Variants in ST3GAL2 observed in about 807,000 individuals in gnomAD.
ST3GAL2 encodes CMP-N-acetylneuraminate-beta-galactosamide-alpha-2,3-sialyltransferase 2.
ST3GAL2 carries 16 observed loss-of-function variants against 37.5 expected under a neutral mutation model. That is an observed-to-expected ratio of 0.43 (90% CI 0.29 to 0.65). The LOEUF is 0.65. Among genes scored for constraint, ST3GAL2 ranks in the 30% least tolerant of loss-of-function variants. ST3GAL2 has a pLI of 0.17. For synonymous variants in ST3GAL2, 238 were observed against 202.9 expected (o/e 1.17, Z -1.47); for missense variants, 383 against 487.8 (o/e 0.79, Z 2.02).
chr16:70,426,725 G>A (rs1302131402), intron 1 of ST3GAL2, among the ~76,000 whole-genome samples: 1 of 151,950 alleles, frequency 6.6e-6, no homozygotes, highest in East Asian at 1.9e-4. Context: ...GGTCAGGCTG[G>A]TCTTGAACTC....
chr16:70,422,655 AAT>A (rs1245748696), intron 1 of ST3GAL2, among the ~76,000 whole-genome samples: 2 of 152,118 alleles, frequency 1.3e-5, no homozygotes, highest in African/African-American at 4.8e-5. Flanking sequence ...GCATTTTGCT[AAT>A]ACACACATAA....
At chr16:70,431,892 A>G (rs1294672831) in intron 1 of ST3GAL2, among the ~76,000 whole-genome samples, 1 of 151,956 alleles carries the variant, frequency 6.6e-6, no homozygotes, top group Non-Finnish European at 1.5e-5. Context: ...TGAACCCAGG[A>G]GGCAGAGCTT....
Position 70,398,238 on chromosome 16 carries a change from G to C in ST3GAL2, c.293C>G (p.Thr98Ser). ...CGGTGGAAGATCCATGTTCTCTCGG[G>C]TCCAGACGGGGGAAATGTTACCGTC... ...HFDGNISPVW[T>S]RENMDLPPDV... is the part of the protein sequence containing the mutation. The change falls in exon 2 of 7, where the codon ACC becomes AGC. Residue 98 changes from threonine to serine, a missense_variant. By Grantham distance (58) the Thr-to-Ser change is moderately conservative. This residue lies in a region of ST3GAL2 where 223 missense variants were observed against 239.1 expected (regional missense o/e 0.93). Coordinates refer to ENST00000342907, the MANE Select transcript of ST3GAL2 (RefSeq NM_006927.4). The C allele has an allele frequency of 6.2e-7, 1 of 1,613,434 alleles. No homozygotes were observed. The highest frequency in any genetic ancestry group is 8.5e-7 in the Non-Finnish European group (1 of 1,180,042).
At chr16:70,426,181 C>A in intron 1 of ST3GAL2, among the ~76,000 whole-genome samples, 1 of 99,510 alleles carries the variant, frequency 1.0e-5, no homozygotes, top group Non-Finnish European at 1.9e-5. Context: ...GGGCCAAAGC[C>A]TTTTTTTTTT....
chr16:70,437,891 G>C (rs1230163646), intron 1 of ST3GAL2, among the ~76,000 whole-genome samples: 1 of 152,142 alleles, frequency 6.6e-6, no homozygotes, highest in African/African-American at 2.4e-5. Context: ...GCGGGAGTGT[G>C]TTACTGGCCA....
chr16:70,418,759 C>A (rs1567675194), intron 1 of ST3GAL2, among the ~76,000 whole-genome samples: 1 of 152,146 alleles, frequency 6.6e-6, no homozygotes, highest in Non-Finnish European at 1.5e-5. Flanking sequence ...TAGAAGAGAA[C>A]CTCTGTGCAC....
At chr16:70,393,658 T>A (rs1272129202) in intron 3 of ST3GAL2, 1 of 152,180 alleles carries the variant, frequency 6.6e-6, no homozygotes, top group Admixed American at 6.6e-5. Flanking sequence ...CCAGCTCCCA[T>A]CCCATCTCCC....
At chr16:70,435,750 C>G (rs939097514) in intron 1 of ST3GAL2, among the ~76,000 whole-genome samples, 1 of 148,984 alleles carries the variant, frequency 6.7e-6, no homozygotes, top group Non-Finnish European at 1.5e-5. Flanking sequence ...GCCGAGATCT[C>G]GCCATTGCAC....
At chr16:70,414,761 C>T (rs1343892819) in intron 1 of ST3GAL2, among the ~76,000 whole-genome samples, 1 of 152,344 alleles carries the variant, frequency 6.6e-6, no homozygotes, top group East Asian at 1.9e-4. Context: ...CAACCTCCGC[C>T]TCCTGGGTTC....
rs866564644 is a variant in ST3GAL2, at chr16:70,413,182, G to A, written c.-1003-13649C>T. 5.9e-5 allele frequency among the ~76,000 whole-genome samples: 9 copies of A among 151,980 alleles called. No individual in the cohort carries two copies. The South Asian group carries it at 1.2e-3, about 21-fold the overall frequency. Reference sequence around the variant, plus strand: ...GGAGACTCACTTGAACCTGGAAGGCGGAGGTTGCAGTGAGCTAAGATCGGG... The same window carrying A: ...GGAGACTCACTTGAACCTGGAAGGCAGAGGTTGCAGTGAGCTAAGATCGGG... On this transcript the variant is annotated intron_variant, in intron 1 of 6. Transcript: ENST00000342907.
At position 70,388,060 on chromosome 16, in the gene ST3GAL2, C is replaced by A. The variant is rs544649967; in HGVS notation, c.713+307G>T. Reference sequence around the variant, plus strand: ...CCGGGAGGCGGATGTTGCAGTGAGCCAAGATCGCGCCATTGCACCCCGGCC... The same window carrying A: ...CCGGGAGGCGGATGTTGCAGTGAGCAAAGATCGCGCCATTGCACCCCGGCC... On this transcript the variant is annotated intron_variant, in intron 4 of 6. Transcript: ENST00000342907. Among the ~76,000 whole-genome samples the A allele has an allele frequency of 1.8e-3, 274 of 149,646 alleles. 2 individuals carry two copies. The highest frequency in any genetic ancestry group is 6.2e-3 in the African/African-American group (253 of 40,596).
Position 70,376,095 on chromosome 16 carries a change from G to A in ST3GAL2, c.*5594C>T, listed in dbSNP as rs751426287. 1 of 152,232 alleles carries A rather than the reference G, an allele frequency of 6.6e-6. No homozygotes were observed. Among genetic ancestry groups the A allele is most frequent in the African/African-American group, 2.4e-5 (1 of 41,452 alleles). The allele number at this position is 152,232 out of a possible 1,614,324, so 9.4% of individuals were successfully genotyped here. On this transcript the variant is annotated 3_prime_UTR_variant, in exon 7 of 7. Coordinates refer to ENST00000342907, the MANE Select transcript of ST3GAL2 (RefSeq NM_006927.4). Reference sequence around the variant, plus strand: ...ACAGCGTTTCACAGGAAGCACCGTGGAGACGCAGCCCAGGGGACTGCCATG... The same window carrying A: ...ACAGCGTTTCACAGGAAGCACCGTGAAGACGCAGCCCAGGGGACTGCCATG...
At chr16:70,392,363 C>T (rs1261862236) in intron 3 of ST3GAL2, among the ~76,000 whole-genome samples, 1 of 152,204 alleles carries the variant, frequency 6.6e-6, no homozygotes, top group Non-Finnish European at 1.5e-5. Flanking sequence ...ATCTCTGGCA[C>T]TCGGGAACAC....
intron 3 of ST3GAL2, among the ~76,000 whole-genome samples, chr16:70,390,861 CT>C (rs987012156): frequency 6.6e-6 from 1 of 151,656 alleles, no homozygotes; most frequent in African/African-American, 2.4e-5. Flanking sequence ...ACCTGTTGGT[CT>C]TTTTTTTTCT....
At chr16:70,383,066 G>T in intron 5 of ST3GAL2, 124 bp downstream of exon 5, 1 of 1,575,310 alleles carries the variant, frequency 6.3e-7, no homozygotes, top group Non-Finnish European at 8.7e-7. Context: ...CTAGGGTCAG[G>T]CATCTCGGCA....
intron 1 of ST3GAL2, among the ~76,000 whole-genome samples, chr16:70,405,876 T>C (rs929513285): frequency 2.0e-5 from 3 of 151,374 alleles, no homozygotes; most frequent in Non-Finnish European, 4.4e-5. Context: ...CTGGCTAACA[T>C]GGTGAAACCC....
At chr16:70,381,976 G>GC in intron 6 of ST3GAL2, 114 bp from the exon 7 acceptor site, 2 of 1,382,858 alleles carry the variant, frequency 1.4e-6, no homozygotes, top group Non-Finnish European at 2.0e-6. Context: ...AGATGCAGGA[G>GC]CCCCCAGGCC....
intron 1 of ST3GAL2, among the ~76,000 whole-genome samples, chr16:70,426,043 C>T (rs914451107): frequency 2.6e-5 from 4 of 152,182 alleles, no homozygotes; most frequent in African/African-American, 9.7e-5. Flanking sequence ...GGGTGCCATG[C>T]CTTTTGCTGT....
At chr16:70,393,100 T>A (rs2151661090) in intron 3 of ST3GAL2, among the ~76,000 whole-genome samples, 1 of 151,956 alleles carries the variant, frequency 6.6e-6, no homozygotes, top group East Asian at 1.9e-4. Flanking sequence ...TTTTTTTTTT[T>A]TTGAGACAGA....
Sources: allele counts gnomAD v4.1 joint callset (sites outside exome capture counted in the v4.1 genomes callset), GRCh38; gene constraint gnomAD v4.1.1; regional missense constraint gnomAD v4.1.1; transcripts MANE v1.5; gene names NCBI Gene and HGNC (gene_info 2026-07-23, HGNC 2026-07-21).